Variants in METTL22 observed in about 807,000 individuals in gnomAD.
METTL22 encodes methyltransferase 22, Kin17 lysine, also known as methyltransferase-like protein 22.
A neutral mutation model predicts 48.4 loss-of-function variants in METTL22; 51 were observed. The observed-to-expected ratio is 1.05, with a 90% CI of 0.84 to 1.33. The LOEUF is 1.33. METTL22 is among the 40% of genes most tolerant of loss of function. METTL22 has a pLI of 0.00. For synonymous variants in METTL22, 255 were observed against 214.1 expected (o/e 1.19, Z -1.67); for missense variants, 678 against 526.9 (o/e 1.29, Z -2.81).
chr16:8,634,530 A>G (rs2056364859), intron 3 of METTL22, among the ~76,000 whole-genome samples: 1 of 152,232 alleles, frequency 6.6e-6, no homozygotes, highest in East Asian at 1.9e-4. Context: ...CAACGTTTTT[A>G]AAAAGGATGT....
chr16:8,663,078 G>A, the METTL22 span, among the ~76,000 whole-genome samples: 23,727 of 149,928 alleles, frequency 0.16, 1,954 homozygotes, highest in African/African-American at 0.18. Flanking sequence ...CATGATGGCA[G>A]GCGCCTATAA....
chr16:8,626,548 A>G (rs2056060373), intron 2 of METTL22, among the ~76,000 whole-genome samples: 2 of 148,844 alleles, frequency 1.3e-5, no homozygotes, highest in Admixed American at 6.8e-5. Context: ...TCCCGGGTTC[A>G]AGCAACTCTC....
chr16:8,630,411 C>T (rs907890569), intron 3 of METTL22, among the ~76,000 whole-genome samples: 1 of 152,128 alleles, frequency 6.6e-6, no homozygotes, highest in East Asian at 1.9e-4. Context: ...TTGCTGGGGT[C>T]ACACAGCTAG....
chr16:8,658,264 T>C, the METTL22 span, among the ~76,000 whole-genome samples: 407 of 152,286 alleles, frequency 2.7e-3, no homozygotes, highest in African/African-American at 9.3e-3. Flanking sequence ...ACCCTCCCCT[T>C]GAGCCTTTGG....
At chr16:8,638,961 G>C in intron 5 of METTL22, 130 bp from the exon 6 acceptor site, 3 of 850,874 alleles carry the variant, frequency 3.5e-6, no homozygotes, top group South Asian at 3.0e-5. Flanking sequence ...TTGGCAGTAA[G>C]ACACATAGGA....
the METTL22 span, among the ~76,000 whole-genome samples, chr16:8,666,549 C>T: frequency 6.6e-6 from 1 of 152,224 alleles, no homozygotes. Context: ...GCTACGTGCT[C>T]TAAGGCACTT....
At chr16:8,655,805 A>T in the METTL22 span, among the ~76,000 whole-genome samples, 32 of 152,190 alleles carry the variant, frequency 2.1e-4, no homozygotes, top group Non-Finnish European at 3.4e-4. Context: ...GTGCTCTTCT[A>T]AACAAAGCCG....
chr16:8,657,793 T>C, the METTL22 span, among the ~76,000 whole-genome samples: 7 of 151,972 alleles, frequency 4.6e-5, no homozygotes, highest in African/African-American at 1.7e-4. Flanking sequence ...ATCTAATGAC[T>C]GGTGTCCTTC....
the METTL22 span, chr16:8,667,258 T>A: frequency 6.6e-6 from 1 of 151,534 alleles, no homozygotes; most frequent in South Asian, 2.1e-4. Flanking sequence ...AAAGTTGTTT[T>A]ATTTATTTAT....
At chr16:8,650,044 G>T (rs1285336924), downstream of METTL22, among the ~76,000 whole-genome samples, 1 of 152,166 alleles carries the variant, frequency 6.6e-6, no homozygotes, top group Admixed American at 6.5e-5. Flanking sequence ...ACAAACTCTG[G>T]GTTGGATGTG....
intron 3 of METTL22, among the ~76,000 whole-genome samples, chr16:8,634,436 T>C (rs1336349188): frequency 1.3e-5 from 2 of 152,164 alleles, no homozygotes; most frequent in African/African-American, 4.8e-5. Flanking sequence ...TGTTCCCCCC[T>C]CCACCAGAAT....
chr16:8,625,605 C>G lies in METTL22; in HGVS notation c.-61C>G, dbSNP rs886448382. On this transcript the variant is annotated 5_prime_UTR_variant, in exon 2 of 11. Coordinates refer to ENST00000381920, the MANE Select transcript of METTL22 (RefSeq NM_024109.4). The stretch of plus-strand genomic sequence containing the variant: ...AGTATCTCCTCTGGGACCTGCCATG[C>G]TGAGGACCCATTCTCACCTCTGAGG... The G allele has an allele frequency of 1.9e-6, 3 of 1,585,636 alleles. No homozygotes were observed. Among genetic ancestry groups the G allele is most frequent in the Non-Finnish European group, 2.6e-6 (3 of 1,159,468 alleles).
rs1042078936 is a variant in METTL22 at position 8,646,466 on chromosome 16, C to T, written c.*323C>T. Reference sequence around the variant, plus strand: ...TCATTTCAGCTGTGTGCTTTACTTGCGGTTGCGGCCCTGGCTGTGAGGTGG... The same window carrying T: ...TCATTTCAGCTGTGTGCTTTACTTGTGGTTGCGGCCCTGGCTGTGAGGTGG... On this transcript the variant is annotated 3_prime_UTR_variant, in exon 11 of 11. Coordinates refer to ENST00000381920, the MANE Select transcript of METTL22 (RefSeq NM_024109.4). 9 of 586,910 alleles carry T rather than the reference C, an allele frequency of 1.5e-5. No individual in the cohort carries two copies. The East Asian group carries it at 1.5e-4, about 10-fold the overall frequency. The allele number at this position is 586,910 out of a possible 1,614,324, so 36.4% of individuals were successfully genotyped here. A position where few individuals can be genotyped will look rare whatever the true frequency, so the allele number is the denominator to read the frequency against.
chr16:8,631,883 A>G (rs2056275348), intron 3 of METTL22: 1 of 152,222 alleles, frequency 6.6e-6, no homozygotes, highest in African/African-American at 2.4e-5. Flanking sequence ...GAGGTCCCTA[A>G]GTCACCTGGG....
At chr16:8,663,690 A>T in the METTL22 span, among the ~76,000 whole-genome samples, 8 of 152,174 alleles carry the variant, frequency 5.3e-5, no homozygotes, top group African/African-American at 1.9e-4. Flanking sequence ...TTATTCTTAC[A>T]TCCATTTTAC....
chr16:8,661,418 G>A, the METTL22 span, among the ~76,000 whole-genome samples: 324 of 149,680 alleles, frequency 2.2e-3, 1 homozygote, highest in African/African-American at 7.3e-3. Flanking sequence ...AGGCCAAGGC[G>A]GGCAGATCAC....
At chr16:8,638,250 C>T (rs1013424112) in intron 5 of METTL22, among the ~76,000 whole-genome samples, 2 of 152,082 alleles carry the variant, frequency 1.3e-5, no homozygotes, top group African/African-American at 4.8e-5. Flanking sequence ...CAGGGAGCTC[C>T]TCCCGTACAT....
the METTL22 span, among the ~76,000 whole-genome samples, chr16:8,660,890 G>GAGA: frequency 4.3e-5 from 6 of 139,430 alleles, no homozygotes; most frequent in Non-Finnish European, 9.3e-5. Context: ...GGAGGAGGAG[G>GAGA]AGGAGGAGGA....
At chr16:8,664,980 G>A in the METTL22 span, among the ~76,000 whole-genome samples, 1 of 152,236 alleles carries the variant, frequency 6.6e-6, no homozygotes, top group East Asian at 1.9e-4. Context: ...GAGGGTCCCT[G>A]GGGAGGAGGG....
Sources: gnomAD v4.1 joint callset for allele counts (sites outside exome capture counted in the v4.1 genomes callset) on GRCh38, gnomAD v4.1.1 for gene constraint, MANE v1.5 for transcripts, NCBI Gene and HGNC (gene_info 2026-07-23, HGNC 2026-07-21) for gene names.